The following OIT3 variants were observed in gnomAD, a reference collection of about 807,000 sequenced individuals.
The protein encoded by OIT3 is oncoprotein induced transcript 3, also known as oncoprotein-induced transcript 3 protein.
A neutral mutation model predicts 52.2 loss-of-function variants in OIT3; 41 were observed. That is an observed-to-expected ratio of 0.79 (90% CI 0.61 to 1.02). The LOEUF (loss-of-function observed/expected upper bound fraction) is 1.02, where lower values mean the gene tolerates loss of function less well. Ranked by LOEUF, OIT3 falls within the 50% of genes least tolerant of loss-of-function variation. OIT3 has a pLI of 0.00. For missense variants in OIT3, 634 were observed against 715.5 expected, an observed-to-expected ratio of 0.89 and a Z score of 1.30; for synonymous variants, 244 against 276.9, an observed-to-expected ratio of 0.88 and a Z score of 1.18.
At chr10:72,897,225 T>C (rs1038655843) in intron 1 of OIT3, among the ~76,000 whole-genome samples, 1 of 152,140 alleles carries the variant, frequency 6.6e-6, no homozygotes, top group Non-Finnish European at 1.5e-5. Flanking sequence ...GGTTTCACCA[T>C]GTTGACCAGG....
chr10:72,924,299 G>A lies in OIT3; in HGVS notation c.1022G>A (p.Gly341Glu). The change falls in exon 7 of 9, where the codon GGG (glycine) becomes GAG (glutamate). Residue 341 changes from glycine to glutamate, a missense_variant. Gly to Glu is a moderately conservative substitution (Grantham distance 98). Coordinates refer to ENST00000334011, the MANE Select transcript of OIT3 (RefSeq NM_152635.3). ...GLPKQTPGSS[G>E]DFIIRTSKLL... ...CCCAAGCAGACCCCGGGGAGCAGCG[G>A]GGACTTCATCATCCGAACCAGCAAG... is the stretch of plus-strand genomic sequence containing the variant. 1.9e-6 allele frequency: 3 copies of A among 1,614,060 alleles called. No homozygotes were observed. Among genetic ancestry groups the A allele is most frequent in the Non-Finnish European group, 2.5e-6 (3 of 1,179,978 alleles).
chr10:72,913,386 C>G lies in OIT3; in HGVS notation c.869C>G (p.Thr290Ser). The change falls in exon 6 of 9, where the codon ACC (threonine) becomes AGC (serine). Residue 290 changes from threonine to serine, a missense_variant. Transcript: ENST00000334011. ...GTTGGTGGCCTGGAGCTCTTCCTGA[C>G]CAACACCTCCTGCCGAGGAGTGTCC... ...ELVGGLELFL[T>S]NTSCRGVSNG... 6.2e-7 allele frequency: 1 copy of G among 1,613,738 alleles called. No individual in the cohort carries two copies. Among genetic ancestry groups the G allele is most frequent in the Non-Finnish European group, 8.5e-7 (1 of 1,179,678 alleles).
Position 72,923,461 on chromosome 10 carries a change from A to G in OIT3, c.952-768A>G, listed in dbSNP as rs566626925. On this transcript the variant is annotated intron_variant, in intron 6 of 8. Coordinates refer to ENST00000334011, the MANE Select transcript of OIT3 (RefSeq NM_152635.3). The stretch of plus-strand genomic sequence containing the variant: ...AAAAGGATCAGGGAACTGCTTAAAG[A>G]AGCAGTCTAGCCCTGCTTTCATAGA... Among the ~76,000 whole-genome samples the G allele has an allele frequency of 6.6e-5, 10 of 152,260 alleles. No individual in the cohort carries two copies. In the East Asian group the frequency reaches 1.9e-3, roughly 29 times the overall value.
At chr10:72,930,739 T>A in intron 8 of OIT3, 102 bp downstream of exon 8, 1 of 724,316 alleles carries the variant, frequency 1.4e-6, no homozygotes, top group Non-Finnish European at 2.4e-6. Context: ...ACTGGTGGGA[T>A]CTGCATGGGC....
At chr10:72,897,122 C>T (rs1031640207) in intron 1 of OIT3, among the ~76,000 whole-genome samples, 8 of 152,194 alleles carry the variant, frequency 5.3e-5, no homozygotes, top group African/African-American at 1.9e-4. Context: ...CTTCCGGGTT[C>T]AAGCAATTCT....
At chr10:72,903,879 A>G (rs148749149) in intron 3 of OIT3, among the ~76,000 whole-genome samples, 337 of 152,122 alleles carry the variant, frequency 2.2e-3, no homozygotes, top group African/African-American at 8.0e-3. Context: ...TTTCTCTCTC[A>G]TATTAAAAAA....
intron 2 of OIT3, 99 bp downstream of exon 2, chr10:72,899,137 T>G: frequency 9.5e-7 from 1 of 1,052,790 alleles, no homozygotes; most frequent in Non-Finnish European, 1.4e-6. Flanking sequence ...GGCAACTATA[T>G]CTCAATCTGA....
At chr10:72,923,625 C>T (rs1182816959) in intron 6 of OIT3, among the ~76,000 whole-genome samples, 2 of 152,216 alleles carry the variant, frequency 1.3e-5, no homozygotes, top group Non-Finnish European at 2.9e-5. Context: ...GAGCTCCATC[C>T]CAGTGGGGTA....
At chr10:72,913,559 T>A in intron 6 of OIT3, 91 bp downstream of exon 6, 1 of 1,007,674 alleles carries the variant, frequency 9.9e-7, no homozygotes, top group Non-Finnish European at 1.6e-6. Context: ...GCTTGTGTCA[T>A]CGATGAGATA....
Position 72,913,408 on chromosome 10 carries a change from G to A in OIT3, c.891G>A (p.Val297=). The A allele has an allele frequency of 1.2e-6, 2 of 1,613,544 alleles. No individual in the cohort carries two copies. Among genetic ancestry groups the A allele is most frequent in the Non-Finnish European group, 1.7e-6 (2 of 1,179,540 alleles). The change falls in exon 6 of 9, where the codon GTG becomes GTA. Residue 297 remains valine, a synonymous_variant. Coordinates refer to ENST00000334011, the MANE Select transcript of OIT3 (RefSeq NM_152635.3). ...LFLTNTSCRG[V]SNGTHVNILF... ...TGACCAACACCTCCTGCCGAGGAGT[G>A]TCCAACGGCACCCATGTCAACATCC...
At chr10:72,924,949 C>G (rs969372089) in intron 7 of OIT3, among the ~76,000 whole-genome samples, 1 of 151,568 alleles carries the variant, frequency 6.6e-6, no homozygotes, top group African/African-American at 2.4e-5. Flanking sequence ...TGTCTCTACT[C>G]AAAATACAAA....
chr10:72,911,623 C>T, intron 4 of OIT3, 94 bp from the exon 5 acceptor site: 1 of 1,359,990 alleles, frequency 7.4e-7, no homozygotes, highest in South Asian at 1.4e-5. Flanking sequence ...AGGGATGCTG[C>T]CATAAGTTAA....
chr10:72,909,230 C>T (rs1428715795), intron 4 of OIT3, among the ~76,000 whole-genome samples: 1 of 151,362 alleles, frequency 6.6e-6, no homozygotes, highest in Non-Finnish European at 1.5e-5. Flanking sequence ...AGGTGATCCT[C>T]CCACCTCAGC....
chr10:72,908,661 A>G (rs1244014426), intron 4 of OIT3, among the ~76,000 whole-genome samples: 2 of 152,104 alleles, frequency 1.3e-5, no homozygotes, highest in Non-Finnish European at 2.9e-5. Flanking sequence ...GTATATTTGA[A>G]TATTAATAAA....
In OIT3 at chr10:72,899,703, TGATAGATAGATAGATAGATA is replaced by T. The variant is rs373777568; in HGVS notation, c.437-638_437-619del. ...AGAACCCCTTTTTAAGATAGATAGA[TGATAGATAGATAGATAGATA>T]GATAGATAGATAGATAGATAGATAG... On this transcript the variant is annotated intron_variant, in intron 2 of 8. Coordinates refer to ENST00000334011, the MANE Select transcript of OIT3 (RefSeq NM_152635.3). Among the ~76,000 whole-genome samples, 187 of 144,956 alleles carry T rather than the reference TGATAGATAGATAGATAGATA, an allele frequency of 1.3e-3. 1 individual carries two copies. The Middle Eastern group carries it at 0.021, about 16-fold the overall frequency.
Position 72,913,264 on chromosome 10 carries a change from G to C in OIT3, c.791-44G>C, listed in dbSNP as rs367852028. ...TATTTCTCCTAAAAGCCTTCCTCCC[G>C]ATTCAGGTTTCCTGGCTCTAACAGT... On this transcript the variant is annotated intron_variant, in intron 5 of 8. Coordinates refer to ENST00000334011, the MANE Select transcript of OIT3 (RefSeq NM_152635.3). 2.7e-6 allele frequency: 4 copies of C among 1,488,156 alleles called. No homozygotes were observed. The African/African-American group carries it at 5.6e-5, about 21-fold the overall frequency. 92.2% of individuals were successfully genotyped at this position (1,488,156 alleles called of 1,614,324 possible).
chr10:72,914,582 G>T (rs1283581250), intron 6 of OIT3, among the ~76,000 whole-genome samples: 1 of 152,168 alleles, frequency 6.6e-6, no homozygotes, highest in African/African-American at 2.4e-5. Context: ...ATGGTAGGTT[G>T]GTACTATTGT....
intron 2 of OIT3, 97 bp from the exon 3 acceptor site, chr10:72,900,280 T>G: frequency 1.4e-6 from 1 of 694,650 alleles, no homozygotes; most frequent in African/African-American, 1.8e-5. Flanking sequence ...AACATAGGGA[T>G]ACCACCCCCC....
chr10:72,920,109 C>T (rs1188385135), intron 6 of OIT3, among the ~76,000 whole-genome samples: 1 of 152,104 alleles, frequency 6.6e-6, no homozygotes, highest in Non-Finnish European at 1.5e-5. Flanking sequence ...CTATTACTGC[C>T]TCAATTTCAG....
Sources: gnomAD v4.1 joint callset for allele counts (sites outside exome capture counted in the v4.1 genomes callset) on GRCh38, gnomAD v4.1.1 for gene constraint, MANE v1.5 for transcripts, NCBI Gene and HGNC (gene_info 2026-07-23, HGNC 2026-07-21) for gene names.